HIBADH: variants seen among roughly 807,000 people sequenced by gnomAD.
HIBADH encodes the protein 3-hydroxyisobutyrate dehydrogenase, mitochondrial.
A neutral mutation model predicts 36.1 loss-of-function variants in HIBADH; 25 were observed. The observed-to-expected ratio is 0.69, with a 90% CI of 0.50 to 0.97. The LOEUF (loss-of-function observed/expected upper bound fraction) is 0.97, where lower values mean the gene tolerates loss of function less well. Among genes scored for constraint, HIBADH ranks in the 50% least tolerant of loss-of-function variants. The pLI is 0.00. For missense variants in HIBADH, 421 were observed against 418.0 expected (o/e 1.01, Z -0.06); for synonymous variants, 160 against 149.5 (o/e 1.07, Z -0.51).
chr7:27,607,484 G>A (rs1334180236), intron 4 of HIBADH, among the ~76,000 whole-genome samples: 1 of 152,082 alleles, frequency 6.6e-6, no homozygotes, highest in Non-Finnish European at 1.5e-5. Flanking sequence ...ACTCCAGCCT[G>A]GGCAGCAGAC....
At chr7:27,581,897 A>G (rs1784798636) in intron 4 of HIBADH, among the ~76,000 whole-genome samples, 1 of 152,084 alleles carries the variant, frequency 6.6e-6, no homozygotes, top group African/African-American at 2.4e-5. Context: ...TTCTTTGATA[A>G]ACACAGATCC....
rs536656391 is a variant in HIBADH, at chr7:27,529,516, C to T, written c.852+1676G>A. ...CTTCAATGGAGAAAGTCACTGCAGA[C>T]GTGGTGGAAATAGGAGAACTAGAAT... On this transcript the variant is annotated intron_variant, in intron 7 of 7. Coordinates refer to ENST00000265395, the MANE Select transcript of HIBADH (RefSeq NM_152740.4). 7.9e-5 allele frequency among the ~76,000 whole-genome samples: 12 copies of T among 152,194 alleles called. No homozygotes were observed. In the Middle Eastern group the frequency reaches 0.01, roughly 129 times the overall value.
intron 4 of HIBADH, among the ~76,000 whole-genome samples, chr7:27,583,910 A>C (rs943405537): frequency 9.9e-5 from 15 of 152,054 alleles, no homozygotes; most frequent in African/African-American, 3.6e-4. Context: ...GGGAAAAATA[A>C]CAAGCAACAA....
chr7:27,562,970 G>T (rs1218555614), intron 4 of HIBADH, among the ~76,000 whole-genome samples: 1 of 152,102 alleles, frequency 6.6e-6, no homozygotes, highest in Non-Finnish European at 1.5e-5. Context: ...AGTTCTACAA[G>T]TTTTAGCAAG....
chr7:27,592,318 G>T lies in HIBADH; in HGVS notation c.484+37053C>A, dbSNP rs184863598. Among the ~76,000 whole-genome samples the T allele has an allele frequency of 3.3e-5, 5 of 152,252 alleles. No homozygotes were observed. The South Asian group carries it at 8.3e-4, about 25-fold the overall frequency. ...CTTTTTCCTCAGCACTCAGCAGAAT[G>T]CATGATACAAGAGGTACTCAAATGT... On this transcript the variant is annotated intron_variant, in intron 4 of 7. Transcript: ENST00000265395.
intron 4 of HIBADH, among the ~76,000 whole-genome samples, chr7:27,552,756 T>G (rs1441683875): frequency 1.3e-5 from 2 of 152,240 alleles, no homozygotes; most frequent in African/African-American, 4.8e-5. Flanking sequence ...TTGCCTTCTC[T>G]CTTACCTTAA....
At chr7:27,535,417 CAG>C (rs1032570030) in intron 6 of HIBADH, among the ~76,000 whole-genome samples, 4 of 152,114 alleles carry the variant, frequency 2.6e-5, no homozygotes, top group African/African-American at 9.7e-5. Flanking sequence ...AACAGCTTTC[CAG>C]AAGTTCAGCT....
intron 1 of HIBADH, among the ~76,000 whole-genome samples, chr7:27,652,715 G>C (rs1011301597): frequency 6.6e-6 from 1 of 152,184 alleles, no homozygotes; most frequent in African/African-American, 2.4e-5. Flanking sequence ...GTAGAGAGCA[G>C]AAAGAGAAGC....
chr7:27,624,831 C>G (rs1785612711), intron 4 of HIBADH, among the ~76,000 whole-genome samples: 1 of 152,170 alleles, frequency 6.6e-6, no homozygotes, highest in Non-Finnish European at 1.5e-5. Context: ...CTTATCCTGT[C>G]TATTTCACAT....
intron 6 of HIBADH, 82 bp from the exon 7 acceptor site, chr7:27,531,430 A>G (rs1184571025): frequency 8.3e-7 from 1 of 1,208,938 alleles, no homozygotes; most frequent in Non-Finnish European, 1.1e-6. Flanking sequence ...GGGATGCTCC[A>G]TCTTCTCTCT....
chr7:27,553,271 A>G (rs1392207097), intron 4 of HIBADH, among the ~76,000 whole-genome samples: 1 of 152,214 alleles, frequency 6.6e-6, no homozygotes, highest in Non-Finnish European at 1.5e-5. Flanking sequence ...AGCAGAAAAC[A>G]TTAGTTTTCT....
At chr7:27,529,333 C>T (rs139529466) in intron 7 of HIBADH, among the ~76,000 whole-genome samples, 30 of 152,264 alleles carry the variant, frequency 2.0e-4, no homozygotes, top group Non-Finnish European at 3.7e-4. Flanking sequence ...TCTGACAGCT[C>T]TGGGCAGAGT....
chr7:27,555,489 C>T (rs1784377535), intron 4 of HIBADH, among the ~76,000 whole-genome samples: 1 of 151,718 alleles, frequency 6.6e-6, no homozygotes, highest in Non-Finnish European at 1.5e-5. Flanking sequence ...GTCAAAATTT[C>T]AACTATCTAT....
At chr7:27,658,098 A>C (rs1741817442) in intron 1 of HIBADH, among the ~76,000 whole-genome samples, 1 of 151,872 alleles carries the variant, frequency 6.6e-6, no homozygotes, top group Admixed American at 6.5e-5. Flanking sequence ...CTGGGGAAAG[A>C]AAGCTTTTAG....
chr7:27,652,875 T>TC (rs1426905028), intron 1 of HIBADH, among the ~76,000 whole-genome samples: 1 of 152,192 alleles, frequency 6.6e-6, no homozygotes, highest in Non-Finnish European at 1.5e-5. Flanking sequence ...ACGCCTGTAA[T>TC]CCCAGCACTT....
intron 1 of HIBADH, among the ~76,000 whole-genome samples, chr7:27,654,081 C>T (rs1786249888): frequency 6.6e-6 from 1 of 151,930 alleles, no homozygotes; most frequent in Non-Finnish European, 1.5e-5. Flanking sequence ...GAGATGAAAT[C>T]TACTACTAAA....
At chr7:27,575,931 A>C (rs1373445913) in intron 4 of HIBADH, among the ~76,000 whole-genome samples, 1 of 152,236 alleles carries the variant, frequency 6.6e-6, no homozygotes, top group East Asian at 1.9e-4. Context: ...CTTCCTTTGC[A>C]CTGCTGGTTG....
At chr7:27,590,587 G>C (rs1000024495) in intron 4 of HIBADH, among the ~76,000 whole-genome samples, 9 of 152,148 alleles carry the variant, frequency 5.9e-5, no homozygotes, top group Admixed American at 5.9e-4. Flanking sequence ...CTAGTTTGAA[G>C]ATTTTAAAAG....
At chr7:27,623,212 A>C (rs528512252) in intron 4 of HIBADH, among the ~76,000 whole-genome samples, 1 of 152,322 alleles carries the variant, frequency 6.6e-6, no homozygotes, top group African/African-American at 2.4e-5. Flanking sequence ...ACATCCCTTC[A>C]TAATAATCCT....
Sources: gnomAD v4.1 joint callset for allele counts (sites outside exome capture counted in the v4.1 genomes callset) on GRCh38, gnomAD v4.1.1 for gene constraint, MANE v1.5 for transcripts, NCBI Gene and HGNC (gene_info 2026-07-23, HGNC 2026-07-21) for gene names.